TMTC2: variants seen among roughly 807,000 people sequenced by gnomAD.
TMTC2 encodes the protein transmembrane O-mannosyltransferase targeting cadherins 2.
TMTC2 carries 43 observed loss-of-function variants against 82.4 expected under a neutral mutation model. The ratio of observed to expected loss-of-function variants is 0.52; its 90% CI spans 0.41 to 0.67. The LOEUF (loss-of-function observed/expected upper bound fraction) is 0.67, where lower values mean the gene tolerates loss of function less well. TMTC2 is among the 30% of genes least tolerant of loss of function. The pLI is 0.00. For synonymous variants in TMTC2, 408 were observed against 381.9 expected (o/e 1.07, Z -0.80); for missense variants, 919 against 1,012.4 (o/e 0.91, Z 1.25).
At chr12:82,963,829 A>G (rs1175374675) in intron 4 of TMTC2, among the ~76,000 whole-genome samples, 3 of 95,788 alleles carry the variant, frequency 3.1e-5, no homozygotes, top group Non-Finnish European at 5.8e-5. Context: ...ATATATATAT[A>G]TATATATATA....
chr12:83,073,610 C>A (rs1412635072), intron 11 of TMTC2, among the ~76,000 whole-genome samples: 1 of 152,076 alleles, frequency 6.6e-6, no homozygotes, highest in Non-Finnish European at 1.5e-5. Flanking sequence ...CTCAGGAACA[C>A]CAATTATTCT....
intron 3 of TMTC2, among the ~76,000 whole-genome samples, chr12:82,919,320 A>G (rs919898404): frequency 6.6e-6 from 1 of 152,210 alleles, no homozygotes. Flanking sequence ...GTCACTTCTT[A>G]TTAGGACCTA....
At chr12:82,732,232 T>G (rs1326269016) in intron 1 of TMTC2, among the ~76,000 whole-genome samples, 2 of 152,236 alleles carry the variant, frequency 1.3e-5, no homozygotes, top group African/African-American at 2.4e-5. Context: ...CATACTTTAT[T>G]GATTGATCTT....
chr12:82,894,997 T>C (rs577282719), intron 2 of TMTC2, among the ~76,000 whole-genome samples: 34 of 137,214 alleles, frequency 2.5e-4, no homozygotes, highest in African/African-American at 8.3e-4. Flanking sequence ...TTAGTAGAGA[T>C]GGGGAGATGG....
At chr12:82,755,254 A>G (rs569539524) in intron 1 of TMTC2, among the ~76,000 whole-genome samples, 30 of 152,218 alleles carry the variant, frequency 2.0e-4, no homozygotes, top group Non-Finnish European at 3.8e-4. Context: ...TATTGCAAAG[A>G]AACTGATTGT....
chr12:82,912,157 A>C (rs528231981), intron 3 of TMTC2, among the ~76,000 whole-genome samples: 41 of 152,310 alleles, frequency 2.7e-4, no homozygotes, highest in African/African-American at 9.6e-4. Context: ...CACTTTAAAC[A>C]TATGTTTTAA....
chr12:83,059,790 A>G (rs989807654), intron 10 of TMTC2, among the ~76,000 whole-genome samples: 2 of 151,706 alleles, frequency 1.3e-5, no homozygotes, highest in Non-Finnish European at 3.0e-5. Context: ...TTTGATCCTT[A>G]TCTACCTCAT....
At chr12:82,742,032 G>A (rs1875436454) in intron 1 of TMTC2, among the ~76,000 whole-genome samples, 1 of 152,098 alleles carries the variant, frequency 6.6e-6, no homozygotes, top group African/African-American at 2.4e-5. Context: ...CAGCGTGAAT[G>A]TCCCCTACTG....
chr12:82,871,773 A>AT (rs148908646), intron 2 of TMTC2, among the ~76,000 whole-genome samples: 4,958 of 145,988 alleles, frequency 0.034, 292 homozygotes, highest in African/African-American at 0.12. Context: ...GTCGGTGTCC[A>AT]TTTTTTTTTC....
chr12:83,076,666 A>G (rs1048223672), intron 11 of TMTC2, among the ~76,000 whole-genome samples: 5 of 152,200 alleles, frequency 3.3e-5, no homozygotes, highest in African/African-American at 1.2e-4. Flanking sequence ...GGTTGTTCCC[A>G]TAGCCAGCTT....
At chr12:82,881,571 C>T (rs1274532389) in intron 2 of TMTC2, among the ~76,000 whole-genome samples, 1 of 152,114 alleles carries the variant, frequency 6.6e-6, no homozygotes, top group African/African-American at 2.4e-5. Flanking sequence ...AGAATAGAAC[C>T]TGAATGAATT....
intron 8 of TMTC2, among the ~76,000 whole-genome samples, chr12:83,007,144 A>C (rs1230868371): frequency 2.0e-5 from 3 of 151,666 alleles, no homozygotes; most frequent in Admixed American, 6.6e-5. Flanking sequence ...TCGAACTCTC[A>C]GTGTTGTTGT....
At chr12:82,764,975 G>GGC (rs1565740347) in intron 1 of TMTC2, among the ~76,000 whole-genome samples, 1 of 103,820 alleles carries the variant, frequency 9.6e-6, no homozygotes, top group African/African-American at 3.4e-5. Flanking sequence ...TCTGGTGGGC[G>GGC]GGGGGGTGAC....
chr12:82,927,943 A>G (rs1272056138), intron 3 of TMTC2, among the ~76,000 whole-genome samples: 1 of 152,220 alleles, frequency 6.6e-6, no homozygotes, highest in Non-Finnish European at 1.5e-5. Context: ...CCAAAAAAAA[A>G]TTATGTGACT....
chr12:83,040,070 T>A (rs1329636828), intron 9 of TMTC2, among the ~76,000 whole-genome samples: 1 of 152,240 alleles, frequency 6.6e-6, no homozygotes, highest in Non-Finnish European at 1.5e-5. Context: ...ACTGGGCACT[T>A]TTCTGCATAT....
At chr12:82,939,003 C>T (rs1876561098) in intron 4 of TMTC2, among the ~76,000 whole-genome samples, 1 of 152,072 alleles carries the variant, frequency 6.6e-6, no homozygotes, top group African/African-American at 2.4e-5. Flanking sequence ...GCAGATACGT[C>T]AGAATTCGTA....
At chr12:82,773,744 C>T (rs1405719968) in intron 1 of TMTC2, among the ~76,000 whole-genome samples, 2 of 152,154 alleles carry the variant, frequency 1.3e-5, no homozygotes, top group East Asian at 3.9e-4. Flanking sequence ...CAGGCATGAG[C>T]CACCACACCT....
chr12:82,930,648 C>G, intron 4 of TMTC2, 103 bp downstream of exon 4: 1 of 627,752 alleles, frequency 1.6e-6, no homozygotes, highest in Non-Finnish European at 2.7e-6. Flanking sequence ...AGCTATTGTC[C>G]TGAAATAGTC....
At chr12:83,018,012 A>T (rs11115522) in intron 8 of TMTC2, among the ~76,000 whole-genome samples, 1 of 129,130 alleles carries the variant, frequency 7.7e-6, no homozygotes, top group Admixed American at 9.1e-5. Context: ...TCATATATAT[A>T]ATATATATAT....
Sources: allele counts gnomAD v4.1 joint callset (sites outside exome capture counted in the v4.1 genomes callset), GRCh38; gene constraint gnomAD v4.1.1; transcripts MANE v1.5; gene names NCBI Gene and HGNC (gene_info 2026-07-23, HGNC 2026-07-21).